KCNMA1: variants seen among roughly 807,000 people sequenced by gnomAD.
The protein encoded by KCNMA1 is potassium calcium-activated channel subfamily M alpha 1, also known as Calcium-activated potassium channel subunit alpha-1.
Under a neutral mutation model 140.0 loss-of-function variants are expected in KCNMA1, and 29 were observed. The observed-to-expected ratio is 0.21, with a 90% CI of 0.15 to 0.28. The LOEUF (loss-of-function observed/expected upper bound fraction) is 0.28. Among genes scored for constraint, KCNMA1 ranks in the 10% least tolerant of loss-of-function variants. The pLI, the probability that KCNMA1 is intolerant of heterozygous loss-of-function variation, is 1.00. For missense variants in KCNMA1, 880 were observed against 1,602.2 expected (o/e 0.55, Z 7.70); for synonymous variants, 612 against 611.9 (o/e 1.00, Z 0.00).
chr10:77,359,959 A>G (rs574319816), intron 2 of KCNMA1, among the ~76,000 whole-genome samples: 8 of 152,244 alleles, frequency 5.3e-5, no homozygotes, highest in Non-Finnish European at 1.2e-4. Flanking sequence ...GCAAAGATGT[A>G]TAAAAAAAGA....
chr10:77,373,081 G>A (rs2094850030), intron 2 of KCNMA1: 1 of 152,192 alleles, frequency 6.6e-6, no homozygotes, highest in South Asian at 2.1e-4. Context: ...TAATCTCAAA[G>A]TTTATTAATT....
intron 2 of KCNMA1, among the ~76,000 whole-genome samples, chr10:77,269,549 C>T (rs1397159122): frequency 6.6e-6 from 1 of 152,172 alleles, no homozygotes; most frequent in East Asian, 1.9e-4. Flanking sequence ...ATTACATCAG[C>T]ATCTCTGTGG....
At chr10:76,936,153 T>C (rs1006952557) in intron 23 of KCNMA1, among the ~76,000 whole-genome samples, 6 of 152,198 alleles carry the variant, frequency 3.9e-5, no homozygotes, top group African/African-American at 9.6e-5. Flanking sequence ...CATCTGCACC[T>C]GAGATTCTTG....
chr10:77,302,677 TCAGG>T (rs2076806370), intron 2 of KCNMA1, among the ~76,000 whole-genome samples: 1 of 152,122 alleles, frequency 6.6e-6, no homozygotes, highest in African/African-American at 2.4e-5. Context: ...CCACCCAAAG[TCAGG>T]TAGTCTCTGT....
chr10:77,523,918 T>C (rs1382709610), intron 1 of KCNMA1, among the ~76,000 whole-genome samples: 1 of 152,168 alleles, frequency 6.6e-6, no homozygotes, highest in Non-Finnish European at 1.5e-5. Flanking sequence ...AATAACTTAA[T>C]TGTATATTTT....
At chr10:76,963,936 C>T (rs1006033421) in intron 20 of KCNMA1, among the ~76,000 whole-genome samples, 24 of 152,012 alleles carry the variant, frequency 1.6e-4, no homozygotes, top group African/African-American at 5.3e-4. Context: ...GTGGTCTCCT[C>T]AAAAGGAATC....
At chr10:77,123,137 G>A (rs1225195711) in intron 5 of KCNMA1, among the ~76,000 whole-genome samples, 7 of 126,044 alleles carry the variant, frequency 5.6e-5, no homozygotes, top group Non-Finnish European at 1.1e-4. Flanking sequence ...CCGAGATCGC[G>A]CCACTGCACT....
At chr10:77,465,163 T>C (rs1412460515) in intron 1 of KCNMA1, among the ~76,000 whole-genome samples, 1 of 152,204 alleles carries the variant, frequency 6.6e-6, no homozygotes, top group Non-Finnish European at 1.5e-5. Context: ...CAGTCTCTGA[T>C]GATGCTGAGC....
At chr10:77,039,828 C>G (rs1168730915) in intron 14 of KCNMA1, among the ~76,000 whole-genome samples, 191 bp from the exon 15 acceptor site, 1 of 151,656 alleles carries the variant, frequency 6.6e-6, no homozygotes, top group Non-Finnish European at 1.5e-5. Context: ...AGTGTGTGCC[C>G]TCTAAAACAC....
chr10:77,406,047 A>G (rs1380569440), intron 1 of KCNMA1, among the ~76,000 whole-genome samples: 2 of 152,166 alleles, frequency 1.3e-5, no homozygotes, highest in African/African-American at 4.8e-5. Flanking sequence ...ACAGAGCTAC[A>G]ATGATCCAAG....
intron 1 of KCNMA1, chr10:77,587,709 G>C (rs2077661566): frequency 1.0e-6 from 1 of 985,274 alleles, no homozygotes; most frequent in African/African-American, 1.7e-5. Flanking sequence ...CAGTAATAAT[G>C]CCCTGCTTTG....
chr10:76,955,455 T>C (rs2067889999), intron 20 of KCNMA1, among the ~76,000 whole-genome samples: 1 of 152,180 alleles, frequency 6.6e-6, no homozygotes, highest in African/African-American at 2.4e-5. Flanking sequence ...GAGAATTTGC[T>C]TTTAGACTAC....
chr10:76,948,002 G>GTTTTTGT (rs60575836), intron 22 of KCNMA1, among the ~76,000 whole-genome samples: 4 of 18,990 alleles, frequency 2.1e-4, no homozygotes, highest in Admixed American at 4.2e-4. Context: ...GTTGTTTCTT[G>GTTTTTGT]TTTTGTTTTT....
At chr10:77,478,774 C>T (rs188653856) in intron 1 of KCNMA1, among the ~76,000 whole-genome samples, 1 of 151,980 alleles carries the variant, frequency 6.6e-6, no homozygotes, top group Non-Finnish European at 1.5e-5. Context: ...ATGTACATAA[C>T]CCTGCAGAAG....
At chr10:77,191,203 G>A (rs1430255920) in intron 3 of KCNMA1, among the ~76,000 whole-genome samples, 2 of 152,098 alleles carry the variant, frequency 1.3e-5, no homozygotes, top group Admixed American at 6.6e-5. Flanking sequence ...ATTTTAAAAG[G>A]AGGCAAGTCT....
intron 1 of KCNMA1, among the ~76,000 whole-genome samples, chr10:77,595,114 G>A (rs1353296070): frequency 6.6e-6 from 1 of 152,224 alleles, no homozygotes; most frequent in Non-Finnish European, 1.5e-5. Flanking sequence ...GGGAGGCCAA[G>A]GCGGGCAGAT....
At chr10:77,267,361 C>T (rs2063726709) in intron 2 of KCNMA1, among the ~76,000 whole-genome samples, 2 of 152,262 alleles carry the variant, frequency 1.3e-5, no homozygotes, top group African/African-American at 4.8e-5. Context: ...GCCCAGAGAG[C>T]TTAAATGCCC....
chr10:77,576,963 T>C (rs185713312), intron 1 of KCNMA1, among the ~76,000 whole-genome samples: 13 of 152,306 alleles, frequency 8.5e-5, no homozygotes, highest in Non-Finnish European at 1.3e-4. Context: ...TGAAATCCCA[T>C]GAAATGCTCA....
intron 2 of KCNMA1, among the ~76,000 whole-genome samples, chr10:77,286,766 CGGG>C (rs59896024): frequency 1.2e-4 from 16 of 136,786 alleles, no homozygotes; most frequent in South Asian, 5.3e-4. Context: ...TGTGTGTGTG[CGGG>C]GGGGGGGGGG....
Sources: allele counts gnomAD v4.1 joint callset (sites outside exome capture counted in the v4.1 genomes callset), GRCh38; gene constraint gnomAD v4.1.1; transcripts MANE v1.5; gene names NCBI Gene and HGNC (gene_info 2026-07-23, HGNC 2026-07-21).